Variants in NFIC observed in about 807,000 individuals in gnomAD.
NFIC encodes nuclear factor I C.
In NFIC, 12 loss-of-function variants were observed where a neutral mutation model predicts 54.4. That is an observed-to-expected ratio of 0.22 (90% CI 0.14 to 0.36). The LOEUF (loss-of-function observed/expected upper bound fraction) is 0.36, where lower values mean the gene tolerates loss of function less well. Ranked by LOEUF, NFIC falls within the 10% of genes least tolerant of loss-of-function variation. NFIC has a pLI of 1.00. For missense variants in NFIC, 575 were observed against 718.2 expected (o/e 0.80, Z 2.28); for synonymous variants, 322 against 319.2 (o/e 1.01, Z -0.09).
intron 2 of NFIC, among the ~76,000 whole-genome samples, chr19:3,408,472 C>T (rs1308862432): frequency 1.3e-5 from 2 of 151,942 alleles, no homozygotes; most frequent in Admixed American, 6.6e-5. Flanking sequence ...GACAGGGTTT[C>T]ACTCTGTCAC....
At chr19:3,364,766 G>GT (rs1240081418), upstream of NFIC, among the ~76,000 whole-genome samples, 1 of 152,172 alleles carries the variant, frequency 6.6e-6, no homozygotes, top group African/African-American at 2.4e-5. Context: ...GGGAGGGAGG[G>GT]TGGAAGGCAC....
At chr19:3,380,352 T>C (rs2081185944) in intron 1 of NFIC, among the ~76,000 whole-genome samples, 1 of 119,074 alleles carries the variant, frequency 8.4e-6, no homozygotes, top group South Asian at 2.9e-4. Flanking sequence ...TGTTTCACTC[T>C]TGGCACCCAG....
At chr19:3,367,211 T>C (rs1455188609) in intron 1 of NFIC, among the ~76,000 whole-genome samples, 5 of 152,138 alleles carry the variant, frequency 3.3e-5, no homozygotes, top group Admixed American at 6.5e-5. Flanking sequence ...TCCCTCGTTA[T>C]TGGCCCACGT....
chr19:3,406,251 C>G (rs1384429913), intron 2 of NFIC, among the ~76,000 whole-genome samples: 1 of 152,156 alleles, frequency 6.6e-6, no homozygotes, highest in African/African-American at 2.4e-5. Context: ...CGCCACGATG[C>G]CCTGCTAATT....
chr19:3,404,733 G>A (rs2081616310), intron 2 of NFIC, among the ~76,000 whole-genome samples: 1 of 152,232 alleles, frequency 6.6e-6, no homozygotes, highest in Non-Finnish European at 1.5e-5. Flanking sequence ...ATGGCCGCCA[G>A]AGGGATGATG....
rs1555751892 is a variant in NFIC, at chr19:3,420,556, A to AAAAAAAATAAATAAATAAATAAAT, written c.563-4547_563-4546insAAAATAAATAAATAAATAAATAAA. On this transcript the variant is annotated intron_variant, in intron 2 of 10. Coordinates refer to ENST00000443272, the MANE Select transcript of NFIC (RefSeq NM_001245002.2). ...AACAAGAGCGAGATTCCATCTCAAA[A>AAAAAAAATAAATAAATAAATAAAT]AAATAAATAAATAAATAAATAAATA... Among the ~76,000 whole-genome samples the AAAAAAAATAAATAAATAAATAAAT allele has an allele frequency of 2.8e-5, 4 of 142,678 alleles. No homozygotes were observed. The South Asian group carries it at 6.7e-4, about 24-fold the overall frequency. 93.6% of individuals were successfully genotyped at this position (142,678 alleles called of 152,430 possible).
At chr19:3,408,690 C>A (rs1399475292) in intron 2 of NFIC, among the ~76,000 whole-genome samples, 1 of 152,162 alleles carries the variant, frequency 6.6e-6, no homozygotes, top group East Asian at 1.9e-4. Flanking sequence ...CAACCTCCGC[C>A]TCCTGGGTTC....
chr19:3,424,956 A>T, intron 2 of NFIC, 150 bp from the exon 3 acceptor site: 1 of 734,904 alleles, frequency 1.4e-6, no homozygotes, highest in Non-Finnish European at 2.2e-6. Flanking sequence ...GCCCAAAGAG[A>T]GACCCCAGGG....
intron 2 of NFIC, among the ~76,000 whole-genome samples, chr19:3,409,551 C>A (rs2081715845): frequency 1.3e-5 from 2 of 152,196 alleles, no homozygotes; most frequent in African/African-American, 4.8e-5. Context: ...AACACCTGTT[C>A]CGTGAGTGCC....
Position 3,460,503 on chromosome 19 carries a change from T to A in NFIC, c.1510-2249T>A, listed in dbSNP as rs187942361. On this transcript the variant is annotated intron_variant, in intron 10 of 10. Coordinates refer to ENST00000443272, the MANE Select transcript of NFIC (RefSeq NM_001245002.2). The stretch of plus-strand genomic sequence containing the variant: ...ATCATTAAAGAGGAGAATTTTTTTT[T>A]GTTTTTTTTTGGTTTTTTTGGTTTT... Among the ~76,000 whole-genome samples the A allele has an allele frequency of 2.6e-3, 391 of 152,066 alleles. 2 individuals are homozygous for A. Among genetic ancestry groups the A allele is most frequent in the African/African-American group, 9.0e-3 (373 of 41,506 alleles).
chr19:3,429,611 AG>A (rs1468124946), intron 3 of NFIC, among the ~76,000 whole-genome samples: 1 of 152,026 alleles, frequency 6.6e-6, no homozygotes. Context: ...AGATTGTAAC[AG>A]GGGGACTGGC....
chr19:3,411,185 T>A (rs916822049), intron 2 of NFIC: 1 of 150,826 alleles, frequency 6.6e-6, no homozygotes, highest in Non-Finnish European at 1.5e-5. Flanking sequence ...CCAGGTAACT[T>A]TTTTTTTTAA....
intron 9 of NFIC, among the ~76,000 whole-genome samples, chr19:3,455,113 C>T (rs1568199091): frequency 6.6e-6 from 1 of 152,210 alleles, no homozygotes; most frequent in Non-Finnish European, 1.5e-5. Context: ...AGAGGACATT[C>T]CATGTGGCGC....
Position 3,457,631 on chromosome 19 carries a change from G to T in NFIC, c.1509+996G>T, listed in dbSNP as rs562985991. On this transcript the variant is annotated intron_variant, in intron 10 of 10. Coordinates refer to ENST00000443272, the MANE Select transcript of NFIC (RefSeq NM_001245002.2). ...AGACTCAGAGAGAAACGAGCTCTGG[G>T]CTACCCAGCGGCCACGGAACTGCAG... Among the ~76,000 whole-genome samples the T allele has an allele frequency of 1.1e-4, 16 of 152,286 alleles. No homozygotes were observed. In the South Asian group the frequency reaches 2.7e-3, roughly 26 times the overall value.
chr19:3,429,716 A>C (rs1046972665), intron 3 of NFIC, among the ~76,000 whole-genome samples: 5 of 152,136 alleles, frequency 3.3e-5, no homozygotes, highest in Non-Finnish European at 7.4e-5. Context: ...TCCCACCGCC[A>C]CCCAAAAGCC....
chr19:3,432,390 C>T (rs1355172956), intron 3 of NFIC, among the ~76,000 whole-genome samples: 1 of 152,066 alleles, frequency 6.6e-6, no homozygotes, highest in African/African-American at 2.4e-5. Context: ...ACTGCAGGGT[C>T]GGGGCAGACA....
chr19:3,417,079 G>GT (rs1474070204), intron 2 of NFIC, among the ~76,000 whole-genome samples: 1 of 150,306 alleles, frequency 6.7e-6, no homozygotes, highest in African/African-American at 2.4e-5. Flanking sequence ...TAGAGATGGG[G>GT]TTTCACCATG....
intron 2 of NFIC, among the ~76,000 whole-genome samples, chr19:3,416,096 G>A (rs2081849192): frequency 6.6e-6 from 1 of 150,954 alleles, no homozygotes; most frequent in East Asian, 1.9e-4. Context: ...CCAGGAGGTC[G>A]AGCCTGCAGT....
At chr19:3,359,779 G>T in intron 1 of NFIC, 1 of 1,280,764 alleles carries the variant, frequency 7.8e-7, no homozygotes, top group East Asian at 3.3e-5. Context: ...GGGGGACAGG[G>T]GGCGGGGGCC....
Sources: allele counts gnomAD v4.1 joint callset (sites outside exome capture counted in the v4.1 genomes callset), GRCh38; gene constraint gnomAD v4.1.1; transcripts MANE v1.5; gene names NCBI Gene and HGNC (gene_info 2026-07-23, HGNC 2026-07-21).